Variants in GALNT13 observed in about 807,000 individuals in gnomAD.
GALNT13 encodes the protein UDP-GalNAc:polypeptide N-acetylgalactosaminyltransferase 13.
In GALNT13, 28 loss-of-function variants were observed where a neutral mutation model predicts 64.2. The observed-to-expected ratio is 0.44, with a 90% CI of 0.32 to 0.60. GALNT13 has a LOEUF of 0.60. GALNT13 is among the 20% of genes least tolerant of loss of function. The pLI is 0.05. For missense variants in GALNT13, 577 were observed against 669.8 expected, an observed-to-expected ratio of 0.86 and a Z score of 1.53; for synonymous variants, 214 against 224.6, an observed-to-expected ratio of 0.95 and a Z score of 0.42.
the GALNT13 span, among the ~76,000 whole-genome samples, chr2:153,356,359 A>G: frequency 6.6e-6 from 1 of 152,230 alleles, no homozygotes. Context: ...TCTTTCTGGA[A>G]AAGTCTTTGA....
At chr2:154,117,823 T>C (rs1235228537) in intron 3 of GALNT13, among the ~76,000 whole-genome samples, 2 of 152,208 alleles carry the variant, frequency 1.3e-5, no homozygotes, top group Non-Finnish European at 2.9e-5. Context: ...TCTGTCACCT[T>C]ATATGAAATA....
the GALNT13 span, among the ~76,000 whole-genome samples, chr2:153,841,287 C>T: frequency 6.6e-6 from 1 of 152,082 alleles, no homozygotes; most frequent in African/African-American, 2.4e-5. Flanking sequence ...TTTAAAAATA[C>T]ATAGCTATTC....
intron 11 of GALNT13, among the ~76,000 whole-genome samples, chr2:154,433,895 C>T (rs189326992): frequency 3.3e-5 from 5 of 152,278 alleles, no homozygotes; most frequent in African/African-American, 1.2e-4. Context: ...GAAGTCTTAA[C>T]CCCCAGTTCC....
rs534319551 is a variant in GALNT13, at chr2:154,250,753, A to G, written c.857+4771A>G. On this transcript the variant is annotated intron_variant, in intron 7 of 12. Coordinates refer to ENST00000392825, the MANE Select transcript of GALNT13 (RefSeq NM_052917.4). ...TAATTTACTTCTTAATTTTTATCAGATTGTATTAGACTTTTCTCAATCCAA... is the reference window on the plus strand; with the variant it reads ...TAATTTACTTCTTAATTTTTATCAGGTTGTATTAGACTTTTCTCAATCCAA... 8.5e-4 allele frequency among the ~76,000 whole-genome samples: 130 copies of G among 152,180 alleles called. 1 individual carries two copies. Among genetic ancestry groups the G allele is most frequent in the African/African-American group, 3.1e-3 (127 of 41,562 alleles).
chr2:154,408,950 GT>G, intron 10 of GALNT13, 33 bp from the exon 11 acceptor site: 1 of 1,325,558 alleles, frequency 7.5e-7, no homozygotes, highest in Admixed American at 1.7e-5. Context: ...TCTGATTTAT[GT>G]TTTATCCCCC....
intron 1 of GALNT13, among the ~76,000 whole-genome samples, chr2:153,872,619 C>CAGG (rs1441849614): frequency 6.1e-5 from 1 of 16,286 alleles, no homozygotes; most frequent in Non-Finnish European, 1.5e-4. Flanking sequence ...TTGTTGGTGG[C>CAGG]GGGGGGGGGG....
At chr2:153,367,987 T>C in the GALNT13 span, among the ~76,000 whole-genome samples, 2 of 152,066 alleles carry the variant, frequency 1.3e-5, no homozygotes, top group African/African-American at 4.8e-5. Flanking sequence ...AAAAATGATC[T>C]AAACACACCA....
the GALNT13 span, among the ~76,000 whole-genome samples, chr2:153,345,645 T>TTCTTTCTTTC: frequency 1.4e-4 from 17 of 120,224 alleles, no homozygotes; most frequent in African/African-American, 5.6e-4. Context: ...TTTTCTTTCT[T>TTCTTTCTTTC]TCTTTCTTTC....
At chr2:154,119,236 A>T (rs1279527352) in intron 3 of GALNT13, among the ~76,000 whole-genome samples, 1 of 152,078 alleles carries the variant, frequency 6.6e-6, no homozygotes, top group Non-Finnish European at 1.5e-5. Context: ...TTTTTTCTTC[A>T]GCACTTTGAA....
At chr2:153,128,149 C>G in the GALNT13 span, among the ~76,000 whole-genome samples, 1 of 152,168 alleles carries the variant, frequency 6.6e-6, no homozygotes, top group Admixed American at 6.6e-5. Context: ...CATATTGTCT[C>G]TTACTGAGTT....
chr2:153,239,209 T>TTATCAGTTCTAATG, the GALNT13 span, among the ~76,000 whole-genome samples: 2 of 152,162 alleles, frequency 1.3e-5, no homozygotes, highest in Non-Finnish European at 2.9e-5. Flanking sequence ...TTTACTGAAT[T>TTATCAGTTCTAATG]TATCAGTTCT....
chr2:154,327,523 T>C (rs1202378328), intron 9 of GALNT13, among the ~76,000 whole-genome samples: 3 of 152,148 alleles, frequency 2.0e-5, no homozygotes, highest in Non-Finnish European at 4.4e-5. Flanking sequence ...AAGAAACCTC[T>C]TGTTGGTCAT....
the GALNT13 span, among the ~76,000 whole-genome samples, chr2:153,815,780 G>A: frequency 6.6e-6 from 1 of 152,062 alleles, no homozygotes; most frequent in Non-Finnish European, 1.5e-5. Flanking sequence ...TTCTCTTACA[G>A]GTCTCAATTT....
At chr2:153,267,821 T>G in the GALNT13 span, among the ~76,000 whole-genome samples, 3 of 152,208 alleles carry the variant, frequency 2.0e-5, no homozygotes, top group African/African-American at 7.2e-5. Flanking sequence ...TTGTATTGCA[T>G]CATCAGGCTG....
At chr2:153,395,708 G>T in the GALNT13 span, among the ~76,000 whole-genome samples, 1 of 152,008 alleles carries the variant, frequency 6.6e-6, no homozygotes. Context: ...GAAAATTTGC[G>T]AAACCTCTGT....
chr2:153,376,510 G>C, the GALNT13 span, among the ~76,000 whole-genome samples: 1 of 152,160 alleles, frequency 6.6e-6, no homozygotes, highest in South Asian at 2.1e-4. Flanking sequence ...TAAGATTGTT[G>C]TAATAATATG....
At position 154,110,310 on chromosome 2, in the gene GALNT13, T is replaced by G. The variant is rs868419125; in HGVS notation, c.143-30027T>G. ...ATATATATATATATATATATATATA[T>G]ATATATATATATATATATATATATA... is the stretch of plus-strand genomic sequence containing the variant. On this transcript the variant is annotated intron_variant, in intron 3 of 12. Coordinates refer to ENST00000392825, the MANE Select transcript of GALNT13 (RefSeq NM_052917.4). 7.7e-3 allele frequency among the ~76,000 whole-genome samples: 398 copies of G among 51,434 alleles called. 19 individuals are homozygous for G. Among genetic ancestry groups the G allele is most frequent in the African/African-American group, 0.026 (280 of 10,740 alleles). 33.7% of individuals were successfully genotyped at this position (51,434 alleles called of 152,430 possible). A position where few individuals can be genotyped will look rare whatever the true frequency, so the allele number is the denominator to read the frequency against.
chr2:154,226,445 C>T (rs1425795997), intron 4 of GALNT13, among the ~76,000 whole-genome samples: 1 of 151,878 alleles, frequency 6.6e-6, no homozygotes, highest in Admixed American at 6.6e-5. Flanking sequence ...AAATGATGTT[C>T]CTATTATTGT....
chr2:154,012,506 T>G (rs1028540718), intron 3 of GALNT13, among the ~76,000 whole-genome samples: 3 of 152,172 alleles, frequency 2.0e-5, no homozygotes, highest in African/African-American at 7.2e-5. Context: ...ATTTTTTCTT[T>G]CATTATGACC....
Sources: allele counts gnomAD v4.1 joint callset (sites outside exome capture counted in the v4.1 genomes callset), GRCh38; gene constraint gnomAD v4.1.1; transcripts MANE v1.5; gene names NCBI Gene and HGNC (gene_info 2026-07-23, HGNC 2026-07-21).